The following GABRB1 variants were observed in gnomAD, a reference collection of about 807,000 sequenced individuals.
The protein encoded by GABRB1 is gamma-aminobutyric acid type A receptor subunit beta1.
GABRB1 carries 17 observed loss-of-function variants against 51.6 expected under a neutral mutation model. That is an observed-to-expected ratio of 0.33 (90% CI 0.23 to 0.49). The LOEUF is 0.49. Ranked by LOEUF, GABRB1 falls within the 20% of genes least tolerant of loss-of-function variation. GABRB1 has a pLI of 0.99. For synonymous variants in GABRB1, 247 were observed against 218.9 expected (o/e 1.13, Z -1.14); for missense variants, 410 against 600.6 (o/e 0.68, Z 3.32).
intron 3 of GABRB1, among the ~76,000 whole-genome samples, chr4:47,141,631 T>C (rs1296401084): frequency 6.6e-6 from 1 of 152,026 alleles, no homozygotes; most frequent in Non-Finnish European, 1.5e-5. Flanking sequence ...GTATGTCTTT[T>C]TTAATTTTTC....
chr4:47,187,165 C>CTT (rs1241967433), intron 4 of GABRB1, among the ~76,000 whole-genome samples: 1 of 151,738 alleles, frequency 6.6e-6, no homozygotes, highest in Non-Finnish European at 1.5e-5. Context: ...CTATGATCCC[C>CTT]TTAAAAATAC....
At chr4:47,074,448 G>A (rs1232344305) in intron 3 of GABRB1, among the ~76,000 whole-genome samples, 1 of 152,168 alleles carries the variant, frequency 6.6e-6, no homozygotes, top group Non-Finnish European at 1.5e-5. Flanking sequence ...GCATGGAATT[G>A]CCTGGCACAG....
chr4:47,341,971 C>T (rs1012167376), intron 5 of GABRB1, among the ~76,000 whole-genome samples: 1 of 152,092 alleles, frequency 6.6e-6, no homozygotes, highest in East Asian at 1.9e-4. Context: ...TTATTTAGGT[C>T]AACTCCCTTA....
chr4:47,332,139 C>A (rs1175225151), intron 5 of GABRB1, among the ~76,000 whole-genome samples: 1 of 152,158 alleles, frequency 6.6e-6, no homozygotes, highest in African/African-American at 2.4e-5. Flanking sequence ...GACATTCTTG[C>A]CAGTTAAACC....
At chr4:47,372,712 T>G (rs1298894257) in intron 5 of GABRB1, among the ~76,000 whole-genome samples, 1 of 152,156 alleles carries the variant, frequency 6.6e-6, no homozygotes, top group Non-Finnish European at 1.5e-5. Flanking sequence ...TATAATCCAG[T>G]GCCAGATGTC....
intron 4 of GABRB1, among the ~76,000 whole-genome samples, chr4:47,279,217 C>T (rs1467035364): frequency 6.6e-6 from 1 of 152,100 alleles, no homozygotes; most frequent in African/African-American, 2.4e-5. Flanking sequence ...AAACCTTTCA[C>T]TTTTTGGGAT....
chr4:47,114,433 C>T lies in GABRB1; in HGVS notation c.241-46816C>T, dbSNP rs929214367. On this transcript the variant is annotated intron_variant, in intron 3 of 8. Transcript: ENST00000295454. Reference sequence around the variant, plus strand: ...TTGGGCACTAAAAGTATCAATAAACCAGTGTGTTCATCCTCATCTCCACCT... The same window carrying T: ...TTGGGCACTAAAAGTATCAATAAACTAGTGTGTTCATCCTCATCTCCACCT... 5.3e-5 allele frequency among the ~76,000 whole-genome samples: 8 copies of T among 152,110 alleles called. No individual in the cohort carries two copies. The East Asian group carries it at 1.4e-3, about 26-fold the overall frequency.
rs5858061 is a variant in GABRB1 at position 47,273,864 on chromosome 4, TACAC to T, written c.462-46229_462-46226del. On this transcript the variant is annotated intron_variant, in intron 4 of 8. Transcript: ENST00000295454. Reference sequence around the variant, plus strand: ...TGTTTGAAAGTAAACCATATATACATACACACACACACACACACACACACACACA... The same window carrying T: ...TGTTTGAAAGTAAACCATATATACATACACACACACACACACACACACACA... Among the ~76,000 whole-genome samples the T allele has an allele frequency of 1.7e-3, 207 of 122,350 alleles. 3 individuals are homozygous for T. Among genetic ancestry groups the T allele is most frequent in the South Asian group, 7.1e-3 (26 of 3,658 alleles). 80.3% of individuals were successfully genotyped at this position (122,350 alleles called of 152,430 possible).
chr4:47,152,082 T>G (rs904145226), intron 3 of GABRB1, among the ~76,000 whole-genome samples: 2 of 152,052 alleles, frequency 1.3e-5, no homozygotes, highest in Non-Finnish European at 2.9e-5. Flanking sequence ...ATCTGTCAAT[T>G]CTCTATGTTT....
intron 4 of GABRB1, among the ~76,000 whole-genome samples, chr4:47,184,718 T>A (rs1283634349): frequency 6.6e-6 from 1 of 151,904 alleles, no homozygotes; most frequent in Non-Finnish European, 1.5e-5. Context: ...TTAGCTTTGC[T>A]TCTCAACCTG....
chr4:47,228,955 T>A (rs1270714910), intron 4 of GABRB1, among the ~76,000 whole-genome samples: 2 of 152,160 alleles, frequency 1.3e-5, no homozygotes, highest in Non-Finnish European at 2.9e-5. Context: ...TTCATGGGTA[T>A]AATACAAACA....
Position 47,031,615 on chromosome 4 carries a change from T to G in GABRB1, c.-37T>G. The G allele has an allele frequency of 6.4e-7, 1 of 1,557,452 alleles. No homozygotes were observed. Among genetic ancestry groups the G allele is most frequent in the Non-Finnish European group, 8.9e-7 (1 of 1,128,634 alleles). On this transcript the variant is annotated 5_prime_UTR_variant, in exon 1 of 9. Transcript: ENST00000295454. ...CCGACTAAGTTGCATTCCTTGAATC[T>G]TCGCAGAAAAGACAATTCTTTTAAT... is the stretch of plus-strand genomic sequence containing the variant.
rs74669544 is a variant in GABRB1 at position 47,381,527 on chromosome 4, C to G, written c.545-21791C>G. On this transcript the variant is annotated intron_variant, in intron 5 of 8. Transcript: ENST00000295454. Reference sequence around the variant, plus strand: ...CCTCCCTTAGTTTAATAAACTCAGACAAAATTATCTCTTACACTCCACAGG... The same window carrying G: ...CCTCCCTTAGTTTAATAAACTCAGAGAAAATTATCTCTTACACTCCACAGG... 6.7e-3 allele frequency among the ~76,000 whole-genome samples: 1,021 copies of G among 152,280 alleles called. 7 individuals carry two copies. The highest frequency in any genetic ancestry group is 0.011 in the Non-Finnish European group (720 of 68,020).
intron 4 of GABRB1, among the ~76,000 whole-genome samples, chr4:47,201,638 G>A (rs1161379606): frequency 6.6e-6 from 1 of 152,016 alleles, no homozygotes; most frequent in Non-Finnish European, 1.5e-5. Context: ...AATCTGGGTG[G>A]TGGGTATATA....
At chr4:47,328,480 C>T (rs375906841) in intron 5 of GABRB1, among the ~76,000 whole-genome samples, 160 of 152,160 alleles carry the variant, frequency 1.1e-3, no homozygotes, top group African/African-American at 3.6e-3. Flanking sequence ...ATGTTTATTG[C>T]GGCACTATTC....
chr4:47,232,001 G>GTAGGTAT (rs879441451), intron 4 of GABRB1, among the ~76,000 whole-genome samples: 4 of 152,110 alleles, frequency 2.6e-5, no homozygotes, highest in Admixed American at 6.6e-5. Context: ...CCATGAAGTA[G>GTAGGTAT]TAGGTATTAT....
chr4:47,307,242 G>A (rs961197986), intron 4 of GABRB1, among the ~76,000 whole-genome samples: 4 of 151,726 alleles, frequency 2.6e-5, no homozygotes, highest in Non-Finnish European at 5.9e-5. Flanking sequence ...TTGATATATT[G>A]ACCCCTCCAG....
chr4:47,234,077 G>T (rs998510376), intron 4 of GABRB1, among the ~76,000 whole-genome samples: 1 of 152,136 alleles, frequency 6.6e-6, no homozygotes, highest in East Asian at 1.9e-4. Flanking sequence ...TTCCTTGAGG[G>T]TGATGAATTA....
At chr4:47,140,629 T>C (rs554683988) in intron 3 of GABRB1, among the ~76,000 whole-genome samples, 1 of 151,906 alleles carries the variant, frequency 6.6e-6, no homozygotes, top group Non-Finnish European at 1.5e-5. Flanking sequence ...AGCTCCAACA[T>C]TCCATATTTC....
Sources: gnomAD v4.1 joint callset for allele counts (sites outside exome capture counted in the v4.1 genomes callset) on GRCh38, gnomAD v4.1.1 for gene constraint, MANE v1.5 for transcripts, NCBI Gene and HGNC (gene_info 2026-07-23, HGNC 2026-07-21) for gene names.